Variants in RABGAP1L observed in about 807,000 individuals in gnomAD.
The protein encoded by RABGAP1L is rab GTPase-activating protein 1-like.
Under a neutral mutation model 137.7 loss-of-function variants are expected in RABGAP1L, and 63 were observed. The observed-to-expected ratio is 0.46, with a 90% CI of 0.37 to 0.56. The LOEUF (loss-of-function observed/expected upper bound fraction) is 0.56, where lower values mean the gene tolerates loss of function less well. Ranked by LOEUF, RABGAP1L falls within the 20% of genes least tolerant of loss-of-function variation. RABGAP1L has a pLI of 0.00. For synonymous variants in RABGAP1L, 431 were observed against 433.7 expected (o/e 0.99, Z 0.08); for missense variants, 1,095 against 1,244.0 (o/e 0.88, Z 1.80).
intron 11 of RABGAP1L, among the ~76,000 whole-genome samples, 155 bp from the exon 12 acceptor site, chr1:174,370,819 ATAAAT>A (rs569795445): frequency 2.6e-5 from 4 of 152,028 alleles, no homozygotes; most frequent in African/African-American, 7.2e-5. Flanking sequence ...GGCACTGAAG[ATAAAT>A]TAATGAAATT....
chr1:174,321,328 C>T (rs967233689), intron 11 of RABGAP1L, among the ~76,000 whole-genome samples: 3 of 152,104 alleles, frequency 2.0e-5, no homozygotes, highest in African/African-American at 7.2e-5. Flanking sequence ...CCCCATTTGG[C>T]TTGTGATATT....
At chr1:174,559,520 C>T (rs1275688398) in intron 13 of RABGAP1L, among the ~76,000 whole-genome samples, 2 of 152,162 alleles carry the variant, frequency 1.3e-5, no homozygotes, top group African/African-American at 4.8e-5. Context: ...AAAACATTCT[C>T]TCAATGGAAA....
At chr1:174,356,341 A>G (rs1683638141) in intron 11 of RABGAP1L, among the ~76,000 whole-genome samples, 1 of 152,108 alleles carries the variant, frequency 6.6e-6, no homozygotes, top group South Asian at 2.1e-4. Flanking sequence ...ACCTTCAATC[A>G]CAACATTTTA....
chr1:174,609,390 T>C (rs557974315), intron 13 of RABGAP1L, among the ~76,000 whole-genome samples: 1 of 152,324 alleles, frequency 6.6e-6, no homozygotes, highest in East Asian at 1.9e-4. Flanking sequence ...CTTAGCTGCA[T>C]GAGAGTCAAT....
intron 11 of RABGAP1L, among the ~76,000 whole-genome samples, chr1:174,327,958 T>TATATATATATATATATAC (rs1680595109): frequency 1.7e-4 from 2 of 11,514 alleles, no homozygotes; most frequent in Non-Finnish European, 1.4e-4. Flanking sequence ...CAGTTGTAAA[T>TATATATATATATATATAC]ATATATATAT....
At chr1:174,600,930 G>A (rs1670358479) in intron 13 of RABGAP1L, among the ~76,000 whole-genome samples, 1 of 152,188 alleles carries the variant, frequency 6.6e-6, no homozygotes, top group South Asian at 2.1e-4. Context: ...CTTCCGCACT[G>A]CCCTATCAGA....
chr1:174,752,405 C>G (rs999176893), intron 18 of RABGAP1L, 51 bp downstream of exon 18: 5 of 1,323,448 alleles, frequency 3.8e-6, no homozygotes, highest in Non-Finnish European at 5.2e-6. Context: ...CCTCTTTGCC[C>G]TTGGAACTGG....
chr1:174,161,308 T>C (rs1664426955), intron 1 of RABGAP1L, among the ~76,000 whole-genome samples: 1 of 151,910 alleles, frequency 6.6e-6, no homozygotes, highest in South Asian at 2.1e-4. Context: ...AACAGCGCGA[T>C]CTCGGCTCAC....
chr1:174,892,627 C>G (rs1202036549), intron 19 of RABGAP1L: 4 of 533,684 alleles, frequency 7.5e-6, no homozygotes, highest in South Asian at 5.6e-5. Flanking sequence ...TGTACATTTT[C>G]TTATTTGATG....
chr1:174,668,966 A>C (rs1676979599), intron 14 of RABGAP1L, among the ~76,000 whole-genome samples: 1 of 152,088 alleles, frequency 6.6e-6, no homozygotes, highest in Non-Finnish European at 1.5e-5. Context: ...TTTTCTTGCT[A>C]TTGATTTGAG....
intron 1 of RABGAP1L, among the ~76,000 whole-genome samples, chr1:174,203,811 C>A (rs765829906): frequency 6.6e-6 from 1 of 151,960 alleles, no homozygotes; most frequent in African/African-American, 2.4e-5. Flanking sequence ...TGTTCTACCT[C>A]GTGGTTGGCT....
chr1:174,787,828 C>G (rs1214609945), intron 18 of RABGAP1L, among the ~76,000 whole-genome samples: 1 of 152,134 alleles, frequency 6.6e-6, no homozygotes, highest in Non-Finnish European at 1.5e-5. Context: ...GCTTCTTTAA[C>G]CAAGGCTGCA....
intron 19 of RABGAP1L, among the ~76,000 whole-genome samples, chr1:174,886,545 TG>T (rs1655171258): frequency 6.6e-6 from 1 of 152,210 alleles, no homozygotes; most frequent in Admixed American, 6.5e-5. Context: ...TAGAAAAAGT[TG>T]GTTCAGGAGA....
chr1:174,453,939 T>A (rs1442241719), intron 13 of RABGAP1L, among the ~76,000 whole-genome samples: 1 of 152,200 alleles, frequency 6.6e-6, no homozygotes, highest in African/African-American at 2.4e-5. Flanking sequence ...AAAAATTTCT[T>A]TTATAATCAG....
intron 13 of RABGAP1L, among the ~76,000 whole-genome samples, chr1:174,399,410 T>A (rs1648277155): frequency 6.6e-6 from 1 of 152,160 alleles, no homozygotes; most frequent in South Asian, 2.1e-4. Flanking sequence ...CAGCTGTTCG[T>A]CCTTTCTTTT....
At chr1:174,314,705 T>G (rs1318515213) in intron 11 of RABGAP1L, among the ~76,000 whole-genome samples, 2 of 152,146 alleles carry the variant, frequency 1.3e-5, no homozygotes, top group African/African-American at 4.8e-5. Context: ...AATCATTTAT[T>G]TCACGAAATT....
intron 1 of RABGAP1L, among the ~76,000 whole-genome samples, chr1:174,213,493 TACCC>T (rs896150076): frequency 6.6e-6 from 1 of 152,208 alleles, no homozygotes; most frequent in African/African-American, 2.4e-5. Flanking sequence ...ATTACCCTCA[TACCC>T]AACCAAAGAC....
At chr1:174,282,035 T>G (rs1675613245) in intron 10 of RABGAP1L, among the ~76,000 whole-genome samples, 1 of 152,234 alleles carries the variant, frequency 6.6e-6, no homozygotes, top group Admixed American at 6.5e-5. Context: ...ATGTTATTCC[T>G]TTGTATAGCT....
At chr1:174,390,423 C>T (rs1457920232) in intron 12 of RABGAP1L, among the ~76,000 whole-genome samples, 1 of 152,134 alleles carries the variant, frequency 6.6e-6, no homozygotes, top group South Asian at 2.1e-4. Context: ...TGTTTATGTA[C>T]GTGTGTATGC....
Sources: allele counts gnomAD v4.1 joint callset (sites outside exome capture counted in the v4.1 genomes callset), GRCh38; gene constraint gnomAD v4.1.1; transcripts MANE v1.5; gene names NCBI Gene and HGNC (gene_info 2026-07-23, HGNC 2026-07-21).